Variants in HERC4 observed in about 807,000 individuals in gnomAD.
HERC4 encodes HECT and RLD domain containing E3 ubiquitin protein ligase 4, also known as probable E3 ubiquitin-protein ligase HERC4.
Under a neutral mutation model 124.3 loss-of-function variants are expected in HERC4, and 28 were observed. That is an observed-to-expected ratio of 0.23 (90% confidence interval 0.17 to 0.31). The LOEUF (loss-of-function observed/expected upper bound fraction) is 0.31. Among genes scored for constraint, HERC4 ranks in the 10% least tolerant of loss-of-function variants. HERC4 has a pLI of 1.00. For missense variants in HERC4, 713 were observed against 1,229.3 expected (o/e 0.58, Z 6.28); for synonymous variants, 407 against 421.5 (o/e 0.97, Z 0.42).
At chr10:68,034,253 C>A in intron 5 of HERC4, 67 bp from the exon 6 acceptor site, 1 of 1,100,620 alleles carries the variant, frequency 9.1e-7, no homozygotes. Flanking sequence ...TGAAAATAAT[C>A]ATTTCATTTC....
At position 67,974,298 on chromosome 10, in the gene HERC4, C is replaced by G. The variant is rs1406355017; in HGVS notation, c.1807-7496G>C. Among the ~76,000 whole-genome samples, 4 of 151,920 alleles carry G rather than the reference C, an allele frequency of 2.6e-5. No homozygotes were observed. In the East Asian group the frequency reaches 7.7e-4, roughly 29 times the overall value. Reference sequence around the variant, plus strand: ...GAGGTAGAAAGTAAAACAAAAGGAGCCAAATGCAGACCCTATAGAGATGTT... The same window carrying G: ...GAGGTAGAAAGTAAAACAAAAGGAGGCAAATGCAGACCCTATAGAGATGTT... On this transcript the variant is annotated intron_variant, in intron 15 of 24. Coordinates refer to ENST00000373700, the MANE Select transcript of HERC4 (RefSeq NM_015601.4).
intron 3 of HERC4, among the ~76,000 whole-genome samples, chr10:68,046,451 G>T (rs1279011404): frequency 1.3e-5 from 2 of 152,070 alleles, no homozygotes; most frequent in African/African-American, 2.4e-5. Flanking sequence ...AAAGTCAAAG[G>T]TACCAAAATC....
At chr10:68,019,163 A>G (rs1349090847) in intron 8 of HERC4, among the ~76,000 whole-genome samples, 1 of 151,382 alleles carries the variant, frequency 6.6e-6, no homozygotes, top group African/African-American at 2.4e-5. Flanking sequence ...CGCCCGACTA[A>G]TTTTGTATTT....
chr10:68,069,630 C>A, intron 3 of HERC4: 1 of 985,000 alleles, frequency 1.0e-6, no homozygotes, highest in Non-Finnish European at 1.2e-6. Flanking sequence ...AATAAGGCTA[C>A]CTCTTTCTCC....
chr10:68,013,466 A>G (rs2038085560), intron 9 of HERC4, among the ~76,000 whole-genome samples: 1 of 152,232 alleles, frequency 6.6e-6, no homozygotes, highest in South Asian at 2.1e-4. Context: ...TAGTGAAATA[A>G]GTGAGTCACA....
At chr10:68,037,478 G>C (rs1053519411) in intron 5 of HERC4, among the ~76,000 whole-genome samples, 17 of 152,130 alleles carry the variant, frequency 1.1e-4, no homozygotes, top group African/African-American at 3.6e-4. Context: ...TAGGATACTA[G>C]TAAGTTAAAC....
intron 17 of HERC4, chr10:67,956,262 T>G (rs2034138058): frequency 6.6e-6 from 1 of 152,164 alleles, no homozygotes; most frequent in African/African-American, 2.4e-5. Flanking sequence ...GCAAACTTAC[T>G]GTAACCCTTT....
chr10:68,011,455 C>T (rs2037949258), intron 9 of HERC4, among the ~76,000 whole-genome samples: 1 of 152,204 alleles, frequency 6.6e-6, no homozygotes, highest in Non-Finnish European at 1.5e-5. Context: ...AAAAATTACT[C>T]CTTGTTCCTA....
At chr10:68,011,625 C>T (rs1269136845) in intron 9 of HERC4, among the ~76,000 whole-genome samples, 2 of 152,126 alleles carry the variant, frequency 1.3e-5, no homozygotes, top group African/African-American at 4.8e-5. Context: ...GGGCTTAAGC[C>T]CATATTAATA....
chr10:67,997,112 T>TG, intron 9 of HERC4, among the ~76,000 whole-genome samples: 1 of 152,230 alleles, frequency 6.6e-6, no homozygotes, highest in Admixed American at 6.5e-5. Context: ...AAGATACAAC[T>TG]GGGGAAATGA....
intron 5 of HERC4, among the ~76,000 whole-genome samples, chr10:68,037,433 C>T (rs2039536397): frequency 2.0e-5 from 3 of 152,096 alleles, no homozygotes; most frequent in Admixed American, 2.0e-4. Flanking sequence ...ATACATATGG[C>T]AGATTCTTTA....
chr10:68,064,708 C>T (rs1317469801), intron 3 of HERC4, among the ~76,000 whole-genome samples: 1 of 151,914 alleles, frequency 6.6e-6, no homozygotes, highest in African/African-American at 2.4e-5. Flanking sequence ...CATGGTGGCT[C>T]ACACCTGTAA....
chr10:67,998,562 A>AGGG (rs755153856), intron 9 of HERC4, among the ~76,000 whole-genome samples: 10 of 31,558 alleles, frequency 3.2e-4, no homozygotes, highest in East Asian at 2.7e-3. Flanking sequence ...AAAAAAAAAA[A>AGGG]AGGGGGGGGG....
chr10:68,020,907 T>G (rs2038583652), intron 8 of HERC4, among the ~76,000 whole-genome samples: 2 of 150,684 alleles, frequency 1.3e-5, no homozygotes, highest in South Asian at 4.2e-4. Flanking sequence ...AATTATTGAG[T>G]CTGTGGAACA....
At chr10:67,983,276 G>A (rs1349035571) in intron 15 of HERC4, among the ~76,000 whole-genome samples, 3 of 152,208 alleles carry the variant, frequency 2.0e-5, no homozygotes, top group African/African-American at 7.2e-5. Flanking sequence ...TGGTGAGAAT[G>A]TAAATTAGTA....
At chr10:68,012,752 C>G (rs768235595) in intron 9 of HERC4, among the ~76,000 whole-genome samples, 12 of 152,092 alleles carry the variant, frequency 7.9e-5, no homozygotes, top group Non-Finnish European at 1.5e-4. Flanking sequence ...AAAAATGGTG[C>G]CAACTGACTT....
intron 9 of HERC4, among the ~76,000 whole-genome samples, chr10:67,996,890 AG>A (rs1280773426): frequency 1.3e-5 from 2 of 152,096 alleles, no homozygotes; most frequent in Non-Finnish European, 2.9e-5. Flanking sequence ...TGGGAGGCTG[AG>A]GCAGGAGAAT....
intron 15 of HERC4, among the ~76,000 whole-genome samples, chr10:67,974,938 C>A (rs1259227787): frequency 6.6e-6 from 1 of 152,104 alleles, no homozygotes; most frequent in Non-Finnish European, 1.5e-5. Flanking sequence ...TGCCTGTAAT[C>A]CCAGAACCTT....
chr10:67,931,876 C>T (rs968109228), intron 23 of HERC4, among the ~76,000 whole-genome samples: 15 of 152,224 alleles, frequency 9.9e-5, no homozygotes, highest in Non-Finnish European at 1.9e-4. Context: ...GATTCTCCCA[C>T]TGCAGCCTCC....
Sources: allele counts gnomAD v4.1 joint callset (sites outside exome capture counted in the v4.1 genomes callset), GRCh38; gene constraint gnomAD v4.1.1; transcripts MANE v1.5; gene names NCBI Gene and HGNC (gene_info 2026-07-23, HGNC 2026-07-21).